ATP2B1: variants seen among roughly 807,000 people sequenced by gnomAD.
ATP2B1 encodes ATPase plasma membrane Ca2+ transporting 1, also known as plasma membrane calcium-transporting ATPase 1.
Under a neutral mutation model 124.2 loss-of-function variants are expected in ATP2B1, and 14 were observed. The observed-to-expected ratio is 0.11, with a 90% confidence interval of 0.07 to 0.18. The LOEUF (loss-of-function observed/expected upper bound fraction) is 0.18. ATP2B1 is among the 10% of genes least tolerant of loss of function. The pLI is 1.00. For synonymous variants in ATP2B1, 449 were observed against 492.4 expected (o/e 0.91, Z 1.17); for missense variants, 763 against 1,466.1 (o/e 0.52, Z 7.83).
chr12:89,649,446 T>C (rs1305528127), intron 2 of ATP2B1, among the ~76,000 whole-genome samples: 1 of 152,230 alleles, frequency 6.6e-6, no homozygotes, highest in African/African-American at 2.4e-5. Flanking sequence ...ACTTGTGTGG[T>C]CTACCACTCC....
chr12:89,682,757 G>GTTC (rs1463794287), intron 1 of ATP2B1, among the ~76,000 whole-genome samples: 1 of 152,084 alleles, frequency 6.6e-6, no homozygotes, highest in Non-Finnish European at 1.5e-5. Context: ...GAAAACATAG[G>GTTC]TGAACCACTC....
At chr12:89,637,925 T>C (rs1882948131) in intron 3 of ATP2B1, among the ~76,000 whole-genome samples, 1 of 152,108 alleles carries the variant, frequency 6.6e-6, no homozygotes, top group Admixed American at 6.6e-5. Context: ...TGGATATCCA[T>C]CACTAAACTA....
chr12:89,631,191 T>C (rs1046067167), intron 5 of ATP2B1, among the ~76,000 whole-genome samples: 3 of 152,196 alleles, frequency 2.0e-5, no homozygotes, highest in Non-Finnish European at 4.4e-5. Context: ...CATGTAATAT[T>C]AGGTAAATTT....
At chr12:89,597,041 T>C (rs760283239) in intron 20 of ATP2B1, among the ~76,000 whole-genome samples, 1 of 152,192 alleles carries the variant, frequency 6.6e-6, no homozygotes, top group Non-Finnish European at 1.5e-5. Context: ...TGTGTTTTAC[T>C]ACCATGTAGA....
chr12:89,616,693 A>C lies in ATP2B1; in HGVS notation c.2067+109T>G, dbSNP rs564911125. 1.7e-5 allele frequency: 19 copies of C among 1,090,380 alleles called. No homozygotes were observed. In the African/African-American group the frequency reaches 2.7e-4, roughly 16 times the overall value. 67.5% of individuals were successfully genotyped at this position (1,090,380 alleles called of 1,614,324 possible). A position where few individuals can be genotyped will look rare whatever the true frequency, so the allele number is the denominator to read the frequency against. On this transcript the variant is annotated intron_variant, in intron 12 of 20. Coordinates refer to ENST00000428670, the MANE Select transcript of ATP2B1 (RefSeq NM_001366521.1). ...TTATCTTGGGTTCACACAGAAAAAA[A>C]AAAAATCACAAACACCAAGAATTTT...
intron 1 of ATP2B1, among the ~76,000 whole-genome samples, chr12:89,704,144 G>C (rs992571836): frequency 3.9e-5 from 6 of 152,054 alleles, no homozygotes; most frequent in African/African-American, 1.4e-4. Context: ...ACATGTTATA[G>C]TATAAAAACA....
chr12:89,672,919 T>C (rs181171568), intron 1 of ATP2B1, among the ~76,000 whole-genome samples: 1 of 152,368 alleles, frequency 6.6e-6, no homozygotes. Context: ...GGATTACAAC[T>C]GGATATTTGT....
chr12:89,643,111 T>C (rs531486729), intron 2 of ATP2B1, among the ~76,000 whole-genome samples: 22 of 147,990 alleles, frequency 1.5e-4, no homozygotes, highest in Non-Finnish European at 2.4e-4. Flanking sequence ...TACGTATATA[T>C]ATACGTATAT....
At chr12:89,636,618 G>A (rs1398538004) in intron 3 of ATP2B1, among the ~76,000 whole-genome samples, 1 of 152,140 alleles carries the variant, frequency 6.6e-6, no homozygotes, top group Non-Finnish European at 1.5e-5. Flanking sequence ...GTTCTAGCAT[G>A]GTGAGTACAG....
intron 1 of ATP2B1, among the ~76,000 whole-genome samples, chr12:89,682,542 G>C (rs1889485314): frequency 6.6e-6 from 1 of 152,172 alleles, no homozygotes; most frequent in Non-Finnish European, 1.5e-5. Flanking sequence ...TCCAGAAACA[G>C]ATCTAACTAC....
chr12:89,659,848 A>G (rs901134661), intron 1 of ATP2B1, among the ~76,000 whole-genome samples: 2 of 149,928 alleles, frequency 1.3e-5, no homozygotes, highest in African/African-American at 4.9e-5. Flanking sequence ...GTGTGAACCC[A>G]GGAGGCAGAG....
intron 12 of ATP2B1, 155 bp from the exon 13 acceptor site, chr12:89,611,527 C>G (rs944725586): frequency 3.5e-6 from 2 of 569,082 alleles, no homozygotes. Context: ...CAATACTCAA[C>G]ATTTCTTGCA....
At chr12:89,664,858 T>C (rs1363137062) in intron 1 of ATP2B1, among the ~76,000 whole-genome samples, 2 of 151,974 alleles carry the variant, frequency 1.3e-5, no homozygotes, top group African/African-American at 4.8e-5. Context: ...ATTCTTTTTT[T>C]TTTTTTTTGA....
chr12:89,653,734 TTAAC>T (rs1885598503), intron 2 of ATP2B1, among the ~76,000 whole-genome samples: 1 of 152,202 alleles, frequency 6.6e-6, no homozygotes. Context: ...TTCAGTTAAC[TTAAC>T]TTCACTAATT....
At chr12:89,622,662 A>G (rs1880190001) in intron 9 of ATP2B1, among the ~76,000 whole-genome samples, 1 of 152,158 alleles carries the variant, frequency 6.6e-6, no homozygotes, top group African/African-American at 2.4e-5. Flanking sequence ...TATTTCCTAA[A>G]TTACTTGTGA....
intron 1 of ATP2B1, among the ~76,000 whole-genome samples, chr12:89,657,910 A>C (rs1361722836): frequency 6.6e-6 from 1 of 152,184 alleles, no homozygotes; most frequent in African/African-American, 2.4e-5. Flanking sequence ...CAGATTCTGC[A>C]AGACATTTTC....
chr12:89,676,183 T>C (rs561795057), intron 1 of ATP2B1, among the ~76,000 whole-genome samples: 1 of 152,154 alleles, frequency 6.6e-6, no homozygotes, highest in Non-Finnish European at 1.5e-5. Flanking sequence ...CTCTGGGAAG[T>C]ACAGATTACA....
chr12:89,665,357 T>C (rs1230748120), intron 1 of ATP2B1, among the ~76,000 whole-genome samples: 1 of 152,188 alleles, frequency 6.6e-6, no homozygotes, highest in Non-Finnish European at 1.5e-5. Flanking sequence ...TAAATTACTT[T>C]AAACACCTAA....
At chr12:89,692,224 G>A (rs775782400) in intron 1 of ATP2B1, among the ~76,000 whole-genome samples, 3 of 151,906 alleles carry the variant, frequency 2.0e-5, no homozygotes, top group Non-Finnish European at 2.9e-5. Context: ...TTAATCAATG[G>A]CCAAAATGAT....
Sources: allele counts gnomAD v4.1 joint callset (sites outside exome capture counted in the v4.1 genomes callset), GRCh38; gene constraint gnomAD v4.1.1; transcripts MANE v1.5; gene names NCBI Gene and HGNC (gene_info 2026-07-23, HGNC 2026-07-21).